The following HHIPL2 variants were observed in gnomAD, a reference collection of about 807,000 sequenced individuals.
HHIPL2 encodes the protein HHIP-like protein 2.
HHIPL2 carries 61 observed loss-of-function variants against 61.0 expected under a neutral mutation model. The observed-to-expected ratio is 1.00, with a 90% CI of 0.81 to 1.24. HHIPL2 has a LOEUF of 1.24. Ranked by LOEUF, HHIPL2 falls within the 50% of genes most tolerant of loss-of-function variation. The pLI is 0.00. For synonymous variants in HHIPL2, 343 were observed against 357.4 expected, an observed-to-expected ratio of 0.96 and a Z score of 0.45; for missense variants, 885 against 910.2, an observed-to-expected ratio of 0.97 and a Z score of 0.36.
chr1:222,542,307 A>G (rs773215582), intron 2 of HHIPL2, 152 bp from the exon 3 acceptor site: 59 of 773,078 alleles, frequency 7.6e-5, no homozygotes, highest in Non-Finnish European at 1.1e-4. Flanking sequence ...CAAAGCAAGT[A>G]GCTTTGGGGC....
Position 222,543,580 on chromosome 1 carries a change from C to A in HHIPL2, c.931G>T (p.Val311Phe), listed in dbSNP as rs764460110. The A allele has an allele frequency of 9.3e-6, 15 of 1,613,976 alleles. No homozygotes were observed. The highest frequency in any genetic ancestry group is 3.3e-5 in the Admixed American group (2 of 60,000). ...VEKIRISEMK[V>F]SRADPNKADL... Reference sequence around the variant, plus strand: ...GCTTTGTTAGGATCAGCCCGAGAAACCTTCATCTCACTAATTCGGATCTTT... The same window carrying A: ...GCTTTGTTAGGATCAGCCCGAGAAAACTTCATCTCACTAATTCGGATCTTT... The change falls in exon 2 of 9, where the codon GTT (valine) becomes TTT (phenylalanine). Residue 311 changes from valine (V) to phenylalanine (F), a missense_variant. Val to Phe is a conservative substitution (Grantham distance 50). Transcript: ENST00000343410.
chr1:222,541,231 T>C (rs1659425755), intron 3 of HHIPL2, among the ~76,000 whole-genome samples: 1 of 152,222 alleles, frequency 6.6e-6, no homozygotes, highest in Admixed American at 6.5e-5. Context: ...TCAATATTTT[T>C]ATTACTAGGA....
intron 7 of HHIPL2, 110 bp downstream of exon 7, chr1:222,526,859 C>G: frequency 1.3e-6 from 1 of 792,418 alleles, no homozygotes; most frequent in Middle Eastern, 2.4e-4. Context: ...AACTGCTTTT[C>G]ATCTAGAACA....
intron 1 of HHIPL2, among the ~76,000 whole-genome samples, chr1:222,546,562 G>A (rs753079627): frequency 6.6e-6 from 1 of 152,226 alleles, no homozygotes; most frequent in Admixed American, 6.5e-5. Context: ...GGAAGGGTCA[G>A]GGGTATAAAT....
chr1:222,530,121 CA>C (rs1244247889), intron 6 of HHIPL2, among the ~76,000 whole-genome samples: 1 of 152,096 alleles, frequency 6.6e-6, no homozygotes, highest in African/African-American at 2.4e-5. Flanking sequence ...CCATGAAATT[CA>C]GCCAAGGACT....
chr1:222,538,191 C>G (rs1160792994), intron 5 of HHIPL2, among the ~76,000 whole-genome samples: 4 of 117,960 alleles, frequency 3.4e-5, no homozygotes, highest in Non-Finnish European at 7.6e-5. Context: ...TTATCTCTGG[C>G]TGGGGTGTGT....
At chr1:222,535,140 TC>T (rs759376412) in intron 5 of HHIPL2, among the ~76,000 whole-genome samples, 87 of 152,322 alleles carry the variant, frequency 5.7e-4, no homozygotes, top group Non-Finnish European at 7.5e-4. Context: ...AGCGGATTTC[TC>T]ATTGGAATGG....
intron 6 of HHIPL2, among the ~76,000 whole-genome samples, chr1:222,529,646 T>TA (rs1424515743): frequency 6.6e-6 from 1 of 152,226 alleles, no homozygotes; most frequent in Non-Finnish European, 1.5e-5. Flanking sequence ...ATATGCCATT[T>TA]AAAACAAAAA....
chr1:222,545,125 G>A (rs1431358834), intron 1 of HHIPL2, among the ~76,000 whole-genome samples: 1 of 152,186 alleles, frequency 6.6e-6, no homozygotes, highest in Admixed American at 6.5e-5. Flanking sequence ...AGTGATGAAA[G>A]ACAGAGGCAA....
At chr1:222,546,340 C>T (rs547700069) in intron 1 of HHIPL2, among the ~76,000 whole-genome samples, 115 of 152,312 alleles carry the variant, frequency 7.6e-4, no homozygotes, top group African/African-American at 2.7e-3. Flanking sequence ...GTCATCTAAA[C>T]TCTTGAGCCC....
Position 222,542,009 on chromosome 1 carries a change from T to G in HHIPL2, c.1118+3A>C. 1 of 1,606,592 alleles carries G rather than the reference T, an allele frequency of 6.2e-7. No individual in the cohort carries two copies. Among genetic ancestry groups the G allele is most frequent in the African/African-American group, 1.3e-5 (1 of 74,454 alleles). On this transcript the variant is annotated splice_donor_region_variant and intron_variant, in intron 3 of 8. Coordinates refer to ENST00000343410, the MANE Select transcript of HHIPL2 (RefSeq NM_024746.4). ...ACAAGGGCCCGGCCCCCATCCAGCT[T>G]ACTTGTTCTGAGCATTTCCAAACAG...
At chr1:222,542,226 A>C in intron 2 of HHIPL2, 71 bp from the exon 3 acceptor site, 1 of 1,556,406 alleles carries the variant, frequency 6.4e-7, no homozygotes, top group South Asian at 1.2e-5. Context: ...TGAGATACCC[A>C]GAAATGACTG....
At chr1:222,526,033 A>G (rs1659056752) in intron 7 of HHIPL2, among the ~76,000 whole-genome samples, 1 of 151,942 alleles carries the variant, frequency 6.6e-6, no homozygotes, top group Admixed American at 6.6e-5. Context: ...ATAAAAAAAA[A>G]TCCAGTGCAC....
Position 222,543,932 on chromosome 1 carries a change from G to C in HHIPL2, c.579C>G (p.His193Gln), listed in dbSNP as rs937281891. The C allele has an allele frequency of 1.9e-6, 3 of 1,614,106 alleles. No homozygotes were observed. The highest frequency in any genetic ancestry group is 2.7e-5 in the African/African-American group (2 of 74,938). The change falls in exon 2 of 9, where the codon CAC (histidine) becomes CAG (glutamine). Residue 193 changes from histidine to glutamine, a missense_variant. Transcript: ENST00000343410. ...GAGGATCTTGGGCCACCATGCCCAG[G>C]TGGCGGTTGAGATAGTCGTTCCTCA... is the stretch of plus-strand genomic sequence containing the variant. ...NVLRNDYLNR[H>Q]LGMVAQDPQG...
intron 3 of HHIPL2, among the ~76,000 whole-genome samples, chr1:222,541,201 G>A (rs1204662316): frequency 6.6e-6 from 1 of 152,152 alleles, no homozygotes; most frequent in African/African-American, 2.4e-5. Context: ...ACAAATGTTA[G>A]CTTTGTATTA....
intron 5 of HHIPL2, among the ~76,000 whole-genome samples, chr1:222,533,939 A>G (rs1659245148): frequency 6.6e-6 from 1 of 152,240 alleles, no homozygotes; most frequent in African/African-American, 2.4e-5. Flanking sequence ...CCCTGAAGTA[A>G]TCATCAGTAT....
intron 1 of HHIPL2, among the ~76,000 whole-genome samples, chr1:222,547,369 T>C (rs1659576468): frequency 6.6e-6 from 1 of 152,184 alleles, no homozygotes; most frequent in African/African-American, 2.4e-5. Context: ...TTTAAGTGCC[T>C]AGCTCTCTGA....
chr1:222,525,181 A>T (rs1019432673), intron 7 of HHIPL2: 2 of 152,220 alleles, frequency 1.3e-5, no homozygotes, highest in Non-Finnish European at 2.9e-5. Context: ...GCTCTTGTGA[A>T]AGTGGGGAGT....
Position 222,538,702 on chromosome 1 carries a change from C to A in HHIPL2, c.1523G>T (p.Gly508Val). The A allele has an allele frequency of 6.2e-7, 1 of 1,614,038 alleles. No homozygotes were observed. The highest frequency in any genetic ancestry group is 1.1e-5 in the South Asian group (1 of 91,072). ...GCCATTGAGATTTGGGGATTCACAACCACGATAGACATAACCTCCAGTGAC... is the reference window on the plus strand; with the variant it reads ...GCCATTGAGATTTGGGGATTCACAAACACGATAGACATAACCTCCAGTGAC... ...KSVTGGYVYR[G>V]CESPNLNGLY... Residue 508 changes from glycine to valine, a missense_variant, in exon 5 of 9, where the codon GGT becomes GTT. Physicochemically the swap from Gly to Val is moderately radical, Grantham distance 109. Coordinates refer to ENST00000343410, the MANE Select transcript of HHIPL2 (RefSeq NM_024746.4).
Sources: allele counts gnomAD v4.1 joint callset (sites outside exome capture counted in the v4.1 genomes callset), GRCh38; gene constraint gnomAD v4.1.1; transcripts MANE v1.5; gene names NCBI Gene and HGNC (gene_info 2026-07-23, HGNC 2026-07-21).